The following SLCO4A1 variants were observed in gnomAD, a reference collection of about 807,000 sequenced individuals.
The protein encoded by SLCO4A1 is colon organic anion transporter.
In SLCO4A1, 51 loss-of-function variants were observed where a neutral mutation model predicts 64.6. The ratio of observed to expected loss-of-function variants is 0.79; its 90% confidence interval spans 0.63 to 1.00. The LOEUF is 1.00. Ranked by LOEUF, SLCO4A1 falls within the 50% of genes least tolerant of loss-of-function variation. The probability of loss-of-function intolerance (pLI) is 0.00; values close to 1 mark genes in which losing one functional copy is unlikely to be tolerated. For synonymous variants in SLCO4A1, 471 were observed against 444.9 expected, an observed-to-expected ratio of 1.06 and a Z score of -0.74; for missense variants, 919 against 980.5, an observed-to-expected ratio of 0.94 and a Z score of 0.84.
At chr20:62,684,680 C>A (rs1485957711) in intron 2 of SLCO4A1, among the ~76,000 whole-genome samples, 2 of 152,080 alleles carry the variant, frequency 1.3e-5, no homozygotes, top group Non-Finnish European at 2.9e-5. Context: ...TCCCCCCACT[C>A]CCTCCCTCAA....
intron 1 of SLCO4A1, among the ~76,000 whole-genome samples, chr20:62,648,098 CCCCGGCTGATCG>C: frequency 6.6e-6 from 1 of 152,374 alleles, no homozygotes; most frequent in South Asian, 2.1e-4. Flanking sequence ...ACACATTATC[CCCCGGCTGATCG>C]CCTTGGCCTA....
In SLCO4A1 at chr20:62,642,561, C is replaced by CGCGGGGA. The variant is rs1281804284; in HGVS notation, c.-97+18_-97+24dup. On this transcript the variant is annotated intron_variant, in intron 1 of 11. Transcript: ENST00000217159. Reference sequence around the variant, plus strand: ...GCCCTCGAGACGGGGACGGTGAGTGCGCGGGGAGCGGGGAGCTGGCGCGGG... The same window carrying CGCGGGGA: ...GCCCTCGAGACGGGGACGGTGAGTGCGCGGGGAGCGGGGAGCGGGGAGCTGGCGCGGG... 1.0e-5 allele frequency: 2 copies of CGCGGGGA among 192,612 alleles called. No homozygotes were observed. The highest frequency in any genetic ancestry group is 4.8e-5 in the African/African-American group (2 of 41,522). 11.9% of individuals were successfully genotyped at this position (192,612 alleles called of 1,614,324 possible).
At chr20:62,657,998 G>A (rs1984051263) in intron 2 of SLCO4A1, among the ~76,000 whole-genome samples, 1 of 152,048 alleles carries the variant, frequency 6.6e-6, no homozygotes, top group African/African-American at 2.4e-5. Context: ...GAGATGTAGG[G>A]AAGCCCCATG....
At chr20:62,664,801 C>A in intron 5 of SLCO4A1, 133 bp from the exon 6 acceptor site, 1 of 1,044,018 alleles carries the variant, frequency 9.6e-7, no homozygotes, top group East Asian at 2.8e-5. Flanking sequence ...GTCTGGCCCA[C>A]TCTGACCCTC....
intron 2 of SLCO4A1, among the ~76,000 whole-genome samples, chr20:62,680,566 A>G (rs993131291): frequency 9.5e-6 from 1 of 105,502 alleles, no homozygotes; most frequent in African/African-American, 4.2e-5. Flanking sequence ...TAGTTTGCTG[A>G]TGGTTTTTTT....
Position 62,681,394 on chromosome 20 carries a change from C to T in SLCO4A1, n.212-4047C>T, listed in dbSNP as rs1484347749. ...TCACTCGTGTGCGTGTGTATTAAGC[C>T]GTGTCACTTGTGTGCGTGTTTATTA... On this transcript the variant is annotated intron_variant and non_coding_transcript_variant, in intron 2 of 2. Coordinates refer to the SLCO4A1 transcript ENST00000466818. Among the ~76,000 whole-genome samples the T allele has an allele frequency of 3.9e-5, 6 of 152,096 alleles. No homozygotes were observed. The South Asian group carries it at 1.2e-3, about 32-fold the overall frequency.
Position 62,668,159 on chromosome 20 carries a change from A to G in SLCO4A1, c.1786A>G (p.Ile596Val), listed in dbSNP as rs144516563. The G allele has an allele frequency of 1.9e-6, 3 of 1,613,804 alleles. No homozygotes were observed. In the African/African-American group the frequency reaches 4.0e-5, roughly 22 times the overall value. ...VVIFFTFLSSIPALTATLRCV... is the reference protein window; with the variant it reads ...VVIFFTFLSSVPALTATLRCV... ...AATTTTCTTTACATTCCTCAGCAGC[A>G]TTCCTGCACTAACGGCAACTCTACG... Residue 596 changes from isoleucine to valine, a missense_variant, in exon 9 of 12, where the codon ATT becomes GTT. Ile to Val is a conservative substitution (Grantham distance 29, BLOSUM62 3). Transcript: ENST00000217159.
At position 62,656,843 on chromosome 20, in the gene SLCO4A1, C is replaced by A; in HGVS notation, c.389C>A (p.Ser130Tyr). 1 of 1,609,430 alleles carries A rather than the reference C, an allele frequency of 6.2e-7. No individual in the cohort carries two copies. Among genetic ancestry groups the A allele is most frequent in the African/African-American group, 1.3e-5 (1 of 75,016 alleles). Residue 130 changes from serine (S) to tyrosine (Y), a missense_variant, in exon 2 of 12, where the codon TCC becomes TAC. By Grantham distance (144) the Ser-to-Tyr change is moderately radical. Coordinates refer to ENST00000217159, the MANE Select transcript of SLCO4A1 (RefSeq NM_016354.4). ...GGCTTCATCAACACAGTCATCACCT[C>A]CCTGGAGCGCCGCTATGACCTGCAC... ...VNGFINTVIT[S>Y]LERRYDLHSY...
At chr20:62,662,417 G>C (rs1985151342) in intron 5 of SLCO4A1, among the ~76,000 whole-genome samples, 1 of 152,154 alleles carries the variant, frequency 6.6e-6, no homozygotes, top group South Asian at 2.1e-4. Flanking sequence ...TCCCAGCGTG[G>C]CTGTGAGCCC....
At chr20:62,679,564 T>C (rs1457523141) in intron 2 of SLCO4A1, among the ~76,000 whole-genome samples, 1 of 152,160 alleles carries the variant, frequency 6.6e-6, no homozygotes, top group African/African-American at 2.4e-5. Flanking sequence ...TGTCTTGCTA[T>C]GTTGCCCAGG....
rs535632945 is a variant in SLCO4A1, at chr20:62,685,524, C to T, written n.295C>T. The T allele has an allele frequency of 7.0e-6, 6 of 860,816 alleles. No individual in the cohort carries two copies. Among genetic ancestry groups the T allele is most frequent in the African/African-American group, 1.8e-5 (1 of 54,882 alleles). 53.3% of individuals were successfully genotyped at this position (860,816 alleles called of 1,614,324 possible). ...CCTTGAATTGGATTTTCACCAAGGC[C>T]GTGATGGATGTGGAGTCTCGGCTTT... is the stretch of plus-strand genomic sequence containing the variant. On this transcript the variant is annotated non_coding_transcript_exon_variant, in exon 3 of 3. Coordinates refer to the SLCO4A1 transcript ENST00000466818. The surrounding 1 kb of genome is among the most constrained non-coding windows in gnomAD (Gnocchi z 4.6).
intron 2 of SLCO4A1, among the ~76,000 whole-genome samples, chr20:62,683,856 C>T (rs893777349): frequency 6.6e-5 from 10 of 152,208 alleles, no homozygotes; most frequent in Non-Finnish European, 1.2e-4. Context: ...CGTGACCACA[C>T]GCTCCCCACA....
Position 62,665,013 on chromosome 20 carries a change from G to A in SLCO4A1, c.1201G>A (p.Gly401Ser), listed in dbSNP as rs750142789. Residue 401 changes from glycine (G) to serine (S), a missense_variant, in exon 6 of 12, where the codon GGC becomes AGC. Gly to Ser is a moderately conservative substitution (Grantham distance 56). Transcript: ENST00000217159. ...GGCCACCGAGGCCACTCTCATCACC[G>A]GCATGTCCACGTTCAGCCCCAAGTT... ...AGATEATLIT[G>S]MSTFSPKFLE... 24 of 1,613,724 alleles carry A rather than the reference G, an allele frequency of 1.5e-5. 1 individual carries two copies. The highest frequency in any genetic ancestry group is 5.0e-5 in the Admixed American group (3 of 59,970).
At chr20:62,665,288 CT>C in intron 6 of SLCO4A1, 200 bp downstream of exon 6, 1 of 580,700 alleles carries the variant, frequency 1.7e-6, no homozygotes, top group Non-Finnish European at 2.9e-6. Flanking sequence ...TGGTCCTGCC[CT>C]CTTTGTGGGA....
downstream of SLCO4A1, among the ~76,000 whole-genome samples, chr20:62,686,482 C>G (rs757027824): frequency 6.6e-6 from 1 of 152,164 alleles, no homozygotes; most frequent in African/African-American, 2.4e-5. Context: ...GCGCCAGGAG[C>G]GGGGAAGAGG....
At chr20:62,673,928 C>T (rs2427372), downstream of SLCO4A1, among the ~76,000 whole-genome samples, 119,664 of 152,174 alleles carry the variant, frequency 0.79, 47,456 homozygotes, top group East Asian at 0.89. Flanking sequence ...AACCAACACA[C>T]TGGGCAACAG....
chr20:62,689,933 C>G (rs908319088), downstream of SLCO4A1, among the ~76,000 whole-genome samples: 2 of 152,234 alleles, frequency 1.3e-5, no homozygotes, highest in Non-Finnish European at 2.9e-5. Context: ...GGGGGACCCG[C>G]GTCCCCACCC....
chr20:62,661,041 C>CCCCCCCCCCACACA lies in SLCO4A1; in HGVS notation c.1010-23_1010-22insCCCCCCCCCACACA. On this transcript the variant is annotated intron_variant, in intron 4 of 11. Coordinates refer to ENST00000217159, the MANE Select transcript of SLCO4A1 (RefSeq NM_016354.4). The surrounding 1 kb of genome is among the most constrained non-coding windows in gnomAD (Gnocchi z 5.2). ...TCCGGGAGCCCCCAGCCCCCAGCCCCAGCTCACTCTGTGCCCTTCCAGGCT... is the reference window on the plus strand; with the variant it reads ...TCCGGGAGCCCCCAGCCCCCAGCCCCCCCCCCCCCACACAAGCTCACTCTGTGCCCTTCCAGGCT... 1 of 1,424,144 alleles carries CCCCCCCCCCACACA rather than the reference C, an allele frequency of 7.0e-7. No individual in the cohort carries two copies. The highest frequency in any genetic ancestry group is 9.9e-7 in the Non-Finnish European group (1 of 1,010,142). 88.2% of individuals were successfully genotyped at this position (1,424,144 alleles called of 1,614,324 possible).
Position 62,685,400 on chromosome 20 carries a change from G to C in SLCO4A1, n.212-41G>C. On this transcript the variant is annotated intron_variant and non_coding_transcript_variant, in intron 2 of 2. Transcript: ENST00000466818. This position sits in a 1 kb window ranked among gnomAD's most constrained non-coding sequence, Gnocchi z 4.6. ...TTCCACTCTGCTGTGGCCTGACCAA[G>C]CGGGCTGTTTTCTTGCTTTGTTTGT... 2.2e-5 allele frequency: 22 copies of C among 980,288 alleles called. No homozygotes were observed. The highest frequency in any genetic ancestry group is 2.7e-5 in the Non-Finnish European group (22 of 825,230). The allele number at this position is 980,288 out of a possible 1,614,324, so 60.7% of individuals were successfully genotyped here.
Sources: allele counts gnomAD v4.1 joint callset (sites outside exome capture counted in the v4.1 genomes callset), GRCh38; gene constraint gnomAD v4.1.1; non-coding constraint Gnocchi (gnomAD v3.1); transcripts MANE v1.5; gene names NCBI Gene and HGNC (gene_info 2026-07-23, HGNC 2026-07-21).